RNF144A: variants seen among roughly 807,000 people sequenced by gnomAD.
RNF144A encodes E3 ubiquitin-protein ligase RNF144A.
RNF144A carries 11 observed loss-of-function variants against 38.7 expected under a neutral mutation model. The observed-to-expected ratio is 0.28, with a 90% confidence interval of 0.18 to 0.47. The LOEUF (loss-of-function observed/expected upper bound fraction) is 0.47. RNF144A is among the 20% of genes least tolerant of loss of function. The pLI, the probability that RNF144A is intolerant of heterozygous loss-of-function variation, is 0.99. For missense variants in RNF144A, 316 were observed against 377.2 expected, an observed-to-expected ratio of 0.84 and a Z score of 1.34; for synonymous variants, 149 against 143.9, an observed-to-expected ratio of 1.04 and a Z score of -0.25.
At chr2:7,008,706 A>C (rs1281386682) in intron 3 of RNF144A, among the ~76,000 whole-genome samples, 1 of 152,178 alleles carries the variant, frequency 6.6e-6, no homozygotes, top group East Asian at 1.9e-4. Context: ...TCAACACTGG[A>C]AGGGGCGGTC....
At position 7,042,897 on chromosome 2, in the gene RNF144A, C is replaced by T. The variant is rs960684648; in HGVS notation, c.*3137C>T. 57 of 970,176 alleles carry T rather than the reference C, an allele frequency of 5.9e-5. No homozygotes were observed. Among genetic ancestry groups the T allele is most frequent in the African/African-American group, 4.4e-4 (25 of 56,844 alleles). 60.1% of individuals were successfully genotyped at this position (970,176 alleles called of 1,614,324 possible). ...TTTTTTTCTTTTTGAGACGGAGTTTCGCTTTTGTCCCCCAAGCTGGAGTAC... is the reference window on the plus strand; with the variant it reads ...TTTTTTTCTTTTTGAGACGGAGTTTTGCTTTTGTCCCCCAAGCTGGAGTAC... On this transcript the variant is annotated 3_prime_UTR_variant, in exon 9 of 9. Coordinates refer to ENST00000320892, the MANE Select transcript of RNF144A (RefSeq NM_014746.6).
intron 2 of RNF144A, among the ~76,000 whole-genome samples, chr2:6,981,963 G>A (rs1668657891): frequency 6.6e-6 from 1 of 152,222 alleles, no homozygotes. Context: ...CAAAAGGGAA[G>A]CAGACACCTT....
chr2:7,056,770 CCTTCT>C (rs1386314240), intron 6 of RNF144A, among the ~76,000 whole-genome samples: 4 of 152,206 alleles, frequency 2.6e-5, no homozygotes, highest in African/African-American at 9.7e-5. Flanking sequence ...CCAGTTGTGG[CCTTCT>C]CTTCTCTTGC....
chr2:7,030,164 C>T lies in RNF144A; in HGVS notation c.696C>T (p.Cys232=). ...TGATACACTACGATAAGGGACCCTG[C>T]CGGAACAAGCTGGGCCACTCCCGGG... ...FLLIHYDKGP[C]RNKLGHSRAS... The change falls in exon 8 of 9, where the codon TGC becomes TGT. Residue 232 remains cysteine, a synonymous_variant. Transcript: ENST00000320892. 1 of 1,613,928 alleles carries T rather than the reference C, an allele frequency of 6.2e-7. No homozygotes were observed. The highest frequency in any genetic ancestry group is 8.5e-7 in the Non-Finnish European group (1 of 1,179,900).
chr2:7,045,657 T>C (rs1437573538), downstream of RNF144A, among the ~76,000 whole-genome samples: 2 of 152,202 alleles, frequency 1.3e-5, no homozygotes, highest in African/African-American at 2.4e-5. Flanking sequence ...TAAGGTCAAG[T>C]TCACAGGTTC....
chr2:7,048,636 G>A (rs376343252), downstream of RNF144A, among the ~76,000 whole-genome samples: 149 of 152,288 alleles, frequency 9.8e-4, 1 homozygote, highest in Middle Eastern at 0.017. Flanking sequence ...ACGTTGCTTG[G>A]AATTAGGGGG....
In RNF144A at chr2:6,977,990, G is replaced by A. The variant is rs142778296; in HGVS notation, c.-11-18926G>A. Among the ~76,000 whole-genome samples the A allele has an allele frequency of 5.1e-3, 778 of 152,278 alleles. 17 individuals are homozygous for A. The highest frequency in any genetic ancestry group is 0.017 in the African/African-American group (704 of 41,546). On this transcript the variant is annotated intron_variant, in intron 2 of 8. Transcript: ENST00000320892. ...GAAGTTTCCATCTGGGAGACGTCTT[G>A]TGAAATAGTGTCCTTGGTGGGTATG...
intron 6 of RNF144A, among the ~76,000 whole-genome samples, chr2:7,061,402 G>T (rs1673948268): frequency 6.6e-6 from 1 of 152,196 alleles, no homozygotes; most frequent in African/African-American, 2.4e-5. Flanking sequence ...GTTCCTGGAA[G>T]ACTTTTATTA....
chr2:6,990,568 C>A (rs1669295681), intron 2 of RNF144A, among the ~76,000 whole-genome samples: 1 of 65,354 alleles, frequency 1.5e-5, no homozygotes, highest in African/African-American at 6.5e-5. Flanking sequence ...TTGCTACACA[C>A]ACAAACACAC....
At position 7,042,630 on chromosome 2, in the gene RNF144A, C is replaced by T. The variant is rs1245882042; in HGVS notation, c.*2870C>T. ...AGGTTTTGCTGGAAATGCCTGACCTCTCAGTCTGGCTCTGCTGTGTAGTCC... is the reference window on the plus strand; with the variant it reads ...AGGTTTTGCTGGAAATGCCTGACCTTTCAGTCTGGCTCTGCTGTGTAGTCC... On this transcript the variant is annotated 3_prime_UTR_variant, in exon 9 of 9. Transcript: ENST00000320892. 4.1e-6 allele frequency: 4 copies of T among 985,420 alleles called. No individual in the cohort carries two copies. In the African/African-American group the frequency reaches 7.0e-5, roughly 17 times the overall value. The allele number at this position is 985,420 out of a possible 1,614,324, so 61.0% of individuals were successfully genotyped here. A position where few individuals can be genotyped will look rare whatever the true frequency, so the allele number is the denominator to read the frequency against.
intron 1 of RNF144A, among the ~76,000 whole-genome samples, chr2:6,936,992 C>T (rs1235385177): frequency 5.3e-5 from 8 of 151,944 alleles, no homozygotes; most frequent in African/African-American, 1.2e-4. Flanking sequence ...AGCACATGGT[C>T]GGGGTGCAAG....
downstream of RNF144A, among the ~76,000 whole-genome samples, chr2:7,072,931 A>G (rs2103487119): frequency 6.6e-6 from 1 of 152,334 alleles, no homozygotes; most frequent in South Asian, 2.1e-4. Flanking sequence ...ATGAACTAGC[A>G]TCTGATCTGG....
the RNF144A span, among the ~76,000 whole-genome samples, chr2:7,073,527 T>G: frequency 3.3e-5 from 5 of 152,312 alleles, no homozygotes; most frequent in African/African-American, 1.2e-4. Flanking sequence ...ATTTTTTAAG[T>G]TAACTCAAAG....
intron 2 of RNF144A, among the ~76,000 whole-genome samples, chr2:6,959,628 C>T (rs1351488566): frequency 6.6e-6 from 1 of 152,138 alleles, no homozygotes; most frequent in Non-Finnish European, 1.5e-5. Flanking sequence ...ATGAGGGGCA[C>T]ACGAAAGAAA....
intron 3 of RNF144A, among the ~76,000 whole-genome samples, chr2:7,012,819 A>G (rs911823644): frequency 2.6e-5 from 4 of 152,220 alleles, no homozygotes; most frequent in African/African-American, 9.6e-5. Flanking sequence ...GGGGTCGTCC[A>G]TACTCACTAC....
intron 2 of RNF144A, among the ~76,000 whole-genome samples, chr2:6,969,698 A>G (rs960538001): frequency 6.6e-6 from 1 of 152,210 alleles, no homozygotes; most frequent in Admixed American, 6.5e-5. Flanking sequence ...ATTTGACCTC[A>G]AGTGACGGAT....
intron 8 of RNF144A, among the ~76,000 whole-genome samples, chr2:7,033,093 A>T (rs571295038): frequency 3.9e-5 from 6 of 152,378 alleles, no homozygotes; most frequent in African/African-American, 1.4e-4. Context: ...AGAGAAGGTG[A>T]GTTCCAGGTG....
chr2:6,950,444 G>A (rs74485711), intron 2 of RNF144A, among the ~76,000 whole-genome samples: 8 of 152,284 alleles, frequency 5.3e-5, no homozygotes, highest in Non-Finnish European at 8.8e-5. Context: ...GCCATTGGAT[G>A]TTTGGGTTAT....
At chr2:7,000,932 G>A (rs1572374428) in intron 3 of RNF144A, among the ~76,000 whole-genome samples, 1 of 150,576 alleles carries the variant, frequency 6.6e-6, no homozygotes, top group Non-Finnish European at 1.5e-5. Flanking sequence ...CTATTTATTG[G>A]CAATTAGGAA....
Sources: allele counts gnomAD v4.1 joint callset (sites outside exome capture counted in the v4.1 genomes callset), GRCh38; gene constraint gnomAD v4.1.1; transcripts MANE v1.5; gene names NCBI Gene and HGNC (gene_info 2026-07-23, HGNC 2026-07-21).